The following SV2B variants were observed in gnomAD, a reference collection of about 807,000 sequenced individuals.
The protein encoded by SV2B is synaptic vesicle glycoprotein 2B.
In SV2B, 41 loss-of-function variants were observed where a neutral mutation model predicts 73.9. The observed-to-expected ratio is 0.56, with a 90% CI of 0.43 to 0.72. The LOEUF is 0.72. Among genes scored for constraint, SV2B ranks in the 30% least tolerant of loss-of-function variants. The pLI, the probability that SV2B is intolerant of heterozygous loss-of-function variation, is 0.00. For missense variants in SV2B, 764 were observed against 857.8 expected (o/e 0.89, Z 1.37); for synonymous variants, 314 against 314.2 (o/e 1.00, Z 0.01).
rs1180524446 is a variant in SV2B at position 91,122,292 on chromosome 15, C to T, written c.-392+21929C>T. Among the ~76,000 whole-genome samples the T allele has an allele frequency of 1.3e-5, 2 of 152,202 alleles. No individual in the cohort carries two copies. The highest frequency in any genetic ancestry group is 2.9e-5 in the Non-Finnish European group (2 of 68,036). ...CAGATTCAGAGAAGGAGTTGATCAA[C>T]GATATCCTCTCCCTCCTCCATCAAG... is the stretch of plus-strand genomic sequence containing the variant. On this transcript the variant is annotated intron_variant, in intron 1 of 12. Transcript: ENST00000394232. This position sits in a 1 kb window ranked among gnomAD's most constrained non-coding sequence, Gnocchi z 4.3.
At chr15:91,154,724 A>G (rs2032773674) in intron 1 of SV2B, among the ~76,000 whole-genome samples, 1 of 152,180 alleles carries the variant, frequency 6.6e-6, no homozygotes, top group East Asian at 1.9e-4. Flanking sequence ...AGAAGTAGAG[A>G]TTGGAGCAAT....
rs183986709 is a variant in SV2B at position 91,107,525 on chromosome 15, A to C, written c.-392+7162A>C. Among the ~76,000 whole-genome samples, 392 of 151,902 alleles carry C rather than the reference A, an allele frequency of 2.6e-3. 2 individuals are homozygous for C. Among genetic ancestry groups the C allele is most frequent in the Middle Eastern group, 0.017 (5 of 294 alleles). ...ACGGGGTTTTACCATGTTGGCCAGG[A>C]TGGTCTTGATCTCTTTACCTTGTTA... On this transcript the variant is annotated intron_variant, in intron 1 of 12. Coordinates refer to ENST00000394232, the MANE Select transcript of SV2B (RefSeq NM_001323032.3).
chr15:91,216,662 G>A (rs1435117748), intron 1 of SV2B, among the ~76,000 whole-genome samples: 1 of 151,456 alleles, frequency 6.6e-6, no homozygotes, highest in African/African-American at 2.4e-5. Flanking sequence ...GTAGAGACGG[G>A]GTTTCTCCAT....
rs1262738494 is a variant in SV2B, at chr15:91,290,032, A to G, written c.1868+352A>G. On this transcript the variant is annotated intron_variant, in intron 12 of 12. Coordinates refer to ENST00000394232, the MANE Select transcript of SV2B (RefSeq NM_001323032.3). The surrounding 1 kb of genome is among the most constrained non-coding windows in gnomAD (Gnocchi z 4.7). ...ATAAGGCAAAAAAGTGAAGAGCTGGAATAGCACAGGGTGGGGGCAAGGAGA... is the reference window on the plus strand; with the variant it reads ...ATAAGGCAAAAAAGTGAAGAGCTGGGATAGCACAGGGTGGGGGCAAGGAGA... 6.6e-6 allele frequency among the ~76,000 whole-genome samples: 1 copy of G among 152,180 alleles called. No homozygotes were observed. The highest frequency in any genetic ancestry group is 1.5e-5 in the Non-Finnish European group (1 of 68,036).
chr15:91,252,130 T>C lies in SV2B; in HGVS notation c.632+131T>C, dbSNP rs1567395190. ...TTTTTGTTTGACTTTCAGGATACTA[T>C]ATTAAAGTTGAACCTTAGAAAGAGT... is the stretch of plus-strand genomic sequence containing the variant. On this transcript the variant is annotated intron_variant, in intron 3 of 12. Coordinates refer to ENST00000394232, the MANE Select transcript of SV2B (RefSeq NM_001323032.3). The surrounding 1 kb of genome is among the most constrained non-coding windows in gnomAD (Gnocchi z 4.6). The C allele has an allele frequency of 7.8e-7, 1 of 1,283,908 alleles. No homozygotes were observed. The highest frequency in any genetic ancestry group is 1.1e-6 in the Non-Finnish European group (1 of 942,074). 79.5% of individuals were successfully genotyped at this position (1,283,908 alleles called of 1,614,324 possible).
chr15:91,248,181 C>T (rs915207571), intron 2 of SV2B, among the ~76,000 whole-genome samples: 2 of 151,960 alleles, frequency 1.3e-5, no homozygotes, highest in African/African-American at 4.8e-5. Context: ...ATTAGCCGGG[C>T]GTGGTGGTGG....
At position 91,289,384 on chromosome 15, in the gene SV2B, G is replaced by T; in HGVS notation, c.1709-137G>T. On this transcript the variant is annotated intron_variant, in intron 11 of 12. Coordinates refer to ENST00000394232, the MANE Select transcript of SV2B (RefSeq NM_001323032.3). The surrounding 1 kb of genome is among the most constrained non-coding windows in gnomAD (Gnocchi z 4.9). Reference sequence around the variant, plus strand: ...TCCAGCTGTGCTCTCTCTGTGTGGAGGGTGAACCTAATACTTCAGGCAGCC... The same window carrying T: ...TCCAGCTGTGCTCTCTCTGTGTGGATGGTGAACCTAATACTTCAGGCAGCC... 9.2e-7 allele frequency: 1 copy of T among 1,082,318 alleles called. No homozygotes were observed. The highest frequency in any genetic ancestry group is 1.4e-6 in the Non-Finnish European group (1 of 712,524). 67.0% of individuals were successfully genotyped at this position (1,082,318 alleles called of 1,614,324 possible). A position where few individuals can be genotyped will look rare whatever the true frequency, so the allele number is the denominator to read the frequency against.
Position 91,242,106 on chromosome 15 carries a change from G to A in SV2B, c.452-9713G>A, listed in dbSNP as rs767086971. On this transcript the variant is annotated intron_variant, in intron 2 of 12. Transcript: ENST00000394232. This position sits in a 1 kb window ranked among gnomAD's most constrained non-coding sequence, Gnocchi z 4.9. Reference sequence around the variant, plus strand: ...TTCACCTGTTCACAGCAACTCTAACGGTTAGCCACTCTCTCCTCCTTGATG... The same window carrying A: ...TTCACCTGTTCACAGCAACTCTAACAGTTAGCCACTCTCTCCTCCTTGATG... Among the ~76,000 whole-genome samples the A allele has an allele frequency of 5.9e-5, 9 of 152,110 alleles. No individual in the cohort carries two copies. Among genetic ancestry groups the A allele is most frequent in the Admixed American group, 2.0e-4 (3 of 15,272 alleles).
chr15:91,271,091 T>TGGTGAATCCTGTGGATGATGGGTGGAC (rs1567418491), intron 9 of SV2B, among the ~76,000 whole-genome samples: 23 of 114,768 alleles, frequency 2.0e-4, no homozygotes, highest in Non-Finnish European at 2.7e-4. Flanking sequence ...ATGTTGTGGA[T>TGGTGAATCCTGTGGATGATGGGTGGAC]GGTGAATCCT....
rs2048677663 is a variant in SV2B at position 91,281,443 on chromosome 15, C to T, written c.1374-285C>T. On this transcript the variant is annotated intron_variant, in intron 9 of 12. Transcript: ENST00000394232. This position sits in a 1 kb window ranked among gnomAD's most constrained non-coding sequence, Gnocchi z 4.7. The stretch of plus-strand genomic sequence containing the variant: ...TTAAATTTCACACTATTTCACATTT[C>T]TGTGATTCTGACTTAGAAGGTCCGT... 6.6e-6 allele frequency among the ~76,000 whole-genome samples: 1 copy of T among 152,208 alleles called. No individual in the cohort carries two copies. The highest frequency in any genetic ancestry group is 2.4e-5 in the African/African-American group (1 of 41,454).
chr15:91,263,945 A>T (rs961407976), intron 6 of SV2B, among the ~76,000 whole-genome samples: 3 of 152,204 alleles, frequency 2.0e-5, no homozygotes, highest in African/African-American at 7.2e-5. Flanking sequence ...TTTAAATCTG[A>T]GAGTGTCTTT....
intron 1 of SV2B, among the ~76,000 whole-genome samples, chr15:91,205,808 G>T (rs1034851955): frequency 6.6e-6 from 1 of 152,176 alleles, no homozygotes; most frequent in Non-Finnish European, 1.5e-5. Flanking sequence ...ATATCATTTA[G>T]TCTAGGTTTG....
chr15:91,247,816 C>T (rs554732270), intron 2 of SV2B, among the ~76,000 whole-genome samples: 123 of 152,192 alleles, frequency 8.1e-4, no homozygotes, highest in African/African-American at 2.6e-3. Flanking sequence ...CAAAACTGAC[C>T]GGGATTTGTG....
intron 4 of SV2B, among the ~76,000 whole-genome samples, chr15:91,255,389 A>G (rs2269796): frequency 0.026 from 3,955 of 152,170 alleles, 104 homozygotes; most frequent in East Asian, 0.096. Context: ...TAAACATCGT[A>G]TGTTCTCACT....
intron 1 of SV2B, among the ~76,000 whole-genome samples, chr15:91,151,647 A>G (rs2043315821): frequency 6.6e-6 from 1 of 152,242 alleles, no homozygotes; most frequent in Non-Finnish European, 1.5e-5. Context: ...AGTGCTGGGT[A>G]TAGAGGGGTC....
intron 2 of SV2B, among the ~76,000 whole-genome samples, chr15:91,243,958 A>G (rs959767038): frequency 5.3e-5 from 8 of 152,150 alleles, no homozygotes; most frequent in African/African-American, 1.9e-4. Context: ...AGAATGTTGC[A>G]TCCTCAGGCA....
intron 1 of SV2B, among the ~76,000 whole-genome samples, chr15:91,192,254 G>C (rs1164405601): frequency 1.3e-5 from 2 of 152,126 alleles, no homozygotes; most frequent in Non-Finnish European, 2.9e-5. Flanking sequence ...GTGTGTCTTT[G>C]TGTAATAAGC....
chr15:91,110,989 G>A lies in SV2B; in HGVS notation c.-392+10626G>A, dbSNP rs1458429832. Among the ~76,000 whole-genome samples, 2 of 152,194 alleles carry A rather than the reference G, an allele frequency of 1.3e-5. No individual in the cohort carries two copies. The highest frequency in any genetic ancestry group is 2.4e-5 in the African/African-American group (1 of 41,458). On this transcript the variant is annotated intron_variant, in intron 1 of 12. Transcript: ENST00000394232. This position sits in a 1 kb window ranked among gnomAD's most constrained non-coding sequence, Gnocchi z 5.4. Reference sequence around the variant, plus strand: ...GAGAAGTAGATGAGAAAGGGTATATGAAAACACGGTGGGGTGCTGAGCCAG... The same window carrying A: ...GAGAAGTAGATGAGAAAGGGTATATAAAAACACGGTGGGGTGCTGAGCCAG...
intron 9 of SV2B, among the ~76,000 whole-genome samples, chr15:91,271,543 G>C (rs900904277): frequency 1.3e-5 from 2 of 152,144 alleles, no homozygotes; most frequent in Non-Finnish European, 2.9e-5. Flanking sequence ...AAGTTGTAAT[G>C]AGTTCATTGT....
Sources: gnomAD v4.1 joint callset for allele counts (sites outside exome capture counted in the v4.1 genomes callset) on GRCh38, gnomAD v4.1.1 for gene constraint, Gnocchi (gnomAD v3.1) non-coding constraint, MANE v1.5 for transcripts, NCBI Gene and HGNC (gene_info 2026-07-23, HGNC 2026-07-21) for gene names.